TTC7B: variants seen among roughly 807,000 people sequenced by gnomAD.
TTC7B encodes tetratricopeptide repeat domain 7B, also known as tetratricopeptide repeat protein 7B.
TTC7B carries 28 observed loss-of-function variants against 106.8 expected under a neutral mutation model. That is an observed-to-expected ratio of 0.26 (90% confidence interval 0.19 to 0.36). The LOEUF (loss-of-function observed/expected upper bound fraction) is 0.36. TTC7B is among the 10% of genes least tolerant of loss of function. TTC7B has a pLI of 1.00. For missense variants in TTC7B, 862 were observed against 1,076.4 expected, an observed-to-expected ratio of 0.80 and a Z score of 2.79; for synonymous variants, 405 against 430.6, an observed-to-expected ratio of 0.94 and a Z score of 0.74.
chr14:90,539,326 C>T lies in TTC7B; in HGVS notation c.*2042G>A. The T allele has an allele frequency of 6.5e-6, 1 of 152,686 alleles. No homozygotes were observed. The highest frequency in any genetic ancestry group is 1.5e-5 in the Non-Finnish European group (1 of 68,302). 9.5% of individuals were successfully genotyped at this position (152,686 alleles called of 1,614,324 possible). A position where few individuals can be genotyped will look rare whatever the true frequency, so the allele number is the denominator to read the frequency against. ...TCTGGTACAGCGCCTGCACCATCTG[C>T]CTTGGTGGCCCAGCCTCCTCCCTTC... On this transcript the variant is annotated 3_prime_UTR_variant, in exon 20 of 20. Transcript: ENST00000328459.
intron 2 of TTC7B, among the ~76,000 whole-genome samples, chr14:90,784,330 G>A (rs1276520474): frequency 1.3e-5 from 2 of 152,214 alleles, no homozygotes; most frequent in African/African-American, 4.8e-5. Context: ...GGCTGAGGTG[G>A]GCGGATCACG....
At chr14:90,542,151 G>A (rs1240948910) in intron 19 of TTC7B, among the ~76,000 whole-genome samples, 3 of 152,198 alleles carry the variant, frequency 2.0e-5, no homozygotes, top group African/African-American at 7.2e-5. Flanking sequence ...ATGTTAGCCA[G>A]GATGGTCTCG....
chr14:90,757,259 A>G lies in TTC7B; in HGVS notation c.446-12337T>C, dbSNP rs1890333815. On this transcript the variant is annotated intron_variant, in intron 3 of 19. Transcript: ENST00000328459. This position sits in a 1 kb window ranked among gnomAD's most constrained non-coding sequence, Gnocchi z 4.1. ...TCTATAAAACTACTTGTTTCACTGC[A>G]CCCGAAGTGATCTCAATGTTTCCAA... Among the ~76,000 whole-genome samples, 1 of 152,106 alleles carries G rather than the reference A, an allele frequency of 6.6e-6. No individual in the cohort carries two copies. The highest frequency in any genetic ancestry group is 2.1e-4 in the South Asian group (1 of 4,828).
intron 5 of TTC7B, among the ~76,000 whole-genome samples, chr14:90,727,087 G>A (rs908013051): frequency 6.6e-6 from 1 of 152,154 alleles, no homozygotes; most frequent in Non-Finnish European, 1.5e-5. Context: ...GGAAGAGGAC[G>A]AGCCAGAAAG....
intron 3 of TTC7B, among the ~76,000 whole-genome samples, chr14:90,773,826 C>G (rs1432119672): frequency 2.0e-5 from 3 of 152,186 alleles, no homozygotes; most frequent in East Asian, 1.9e-4. Flanking sequence ...GCTCTTCCCC[C>G]AAAAAGCCCC....
intron 1 of TTC7B, among the ~76,000 whole-genome samples, chr14:90,811,323 T>C (rs1003568837): frequency 1.3e-5 from 2 of 151,930 alleles, no homozygotes; most frequent in African/African-American, 4.8e-5. Context: ...CTGGGAGGAG[T>C]TGGGCTCCCA....
chr14:90,755,928 T>C (rs1446085555), intron 3 of TTC7B, among the ~76,000 whole-genome samples: 2 of 152,228 alleles, frequency 1.3e-5, no homozygotes, highest in African/African-American at 4.8e-5. Context: ...CCTGGGACAA[T>C]GATAATCCTC....
chr14:90,668,785 A>C (rs1234589806), intron 9 of TTC7B, among the ~76,000 whole-genome samples: 1 of 151,580 alleles, frequency 6.6e-6, no homozygotes, highest in Admixed American at 6.6e-5. Flanking sequence ...AATGTCATCC[A>C]AAGTGATCTA....
At chr14:90,558,983 G>A (rs918831687) in intron 19 of TTC7B, among the ~76,000 whole-genome samples, 5 of 152,218 alleles carry the variant, frequency 3.3e-5, no homozygotes, top group African/African-American at 1.2e-4. Flanking sequence ...CTTGGGTGAC[G>A]GCAGAGACCC....
At position 90,610,771 on chromosome 14, in the gene TTC7B, G is replaced by T. The variant is rs1271255599; in HGVS notation, c.1937C>A (p.Thr646Asn). The T allele has an allele frequency of 1.1e-5, 17 of 1,613,808 alleles. No homozygotes were observed. The highest frequency in any genetic ancestry group is 1.4e-5 in the Non-Finnish European group (16 of 1,179,882). ...CTCGGGATCGCTGAAGTCTGGCAAAGTAATTGTATTAAGCTGTCGTCTGTC... is the reference window on the plus strand; with the variant it reads ...CTCGGGATCGCTGAAGTCTGGCAAATTAATTGTATTAAGCTGTCGTCTGTC... ...IADRRQLNTI[T>N]LPDFSDPETG... The change falls in exon 17 of 20, where the codon ACT becomes AAT. Residue 646 changes from threonine (T) to asparagine (N), a missense_variant. Coordinates refer to ENST00000328459, the MANE Select transcript of TTC7B (RefSeq NM_001010854.2).
chr14:90,692,414 T>G (rs566387398), intron 6 of TTC7B, among the ~76,000 whole-genome samples: 1 of 152,342 alleles, frequency 6.6e-6, no homozygotes, highest in African/African-American at 2.4e-5. Flanking sequence ...CTTTTCCATC[T>G]CATAAGAATA....
rs979739574 is a variant in TTC7B at position 90,526,335 on chromosome 14, T to A, written c.*15033A>T. 6.6e-6 allele frequency: 1 copy of A among 152,178 alleles called. No homozygotes were observed. The highest frequency in any genetic ancestry group is 2.4e-5 in the African/African-American group (1 of 41,450). 9.4% of individuals were successfully genotyped at this position (152,178 alleles called of 1,614,324 possible). The stretch of plus-strand genomic sequence containing the variant: ...GCCTAGACCTTACTTTAAAAAAAAA[T>A]AAACTATTAAGTTTGGGATAATTTT... On this transcript the variant is annotated 3_prime_UTR_variant, in exon 20 of 20. Coordinates refer to ENST00000328459, the MANE Select transcript of TTC7B (RefSeq NM_001010854.2).
At chr14:90,776,140 GACACACACACACACACAC>G (rs370873395) in intron 3 of TTC7B, among the ~76,000 whole-genome samples, 1 of 140,292 alleles carries the variant, frequency 7.1e-6, no homozygotes, top group Non-Finnish European at 1.5e-5. Context: ...GGCCCCCCGT[GACACACACACACACACAC>G]ACACACACAC....
chr14:90,564,589 A>T (rs1438765409), intron 19 of TTC7B, among the ~76,000 whole-genome samples: 2 of 152,174 alleles, frequency 1.3e-5, no homozygotes, highest in African/African-American at 4.8e-5. Context: ...ATCTTTTTCC[A>T]ATAGGAGGCT....
At chr14:90,627,299 T>A (rs1038024643) in intron 15 of TTC7B, among the ~76,000 whole-genome samples, 2 of 152,010 alleles carry the variant, frequency 1.3e-5, no homozygotes, top group African/African-American at 4.8e-5. Context: ...GTGAACACAT[T>A]TAATGTCTCC....
chr14:90,662,189 G>A (rs545144700), intron 9 of TTC7B, among the ~76,000 whole-genome samples: 2 of 152,370 alleles, frequency 1.3e-5, no homozygotes, highest in East Asian at 3.9e-4. Flanking sequence ...TGTGGCACAC[G>A]CGTGGCACGC....
chr14:90,788,782 G>C (rs1595374078), intron 1 of TTC7B, among the ~76,000 whole-genome samples: 2 of 25,896 alleles, frequency 7.7e-5, no homozygotes, highest in Admixed American at 2.2e-3. Flanking sequence ...GGCAAACATG[G>C]TGAAACTCTG....
intron 1 of TTC7B, among the ~76,000 whole-genome samples, chr14:90,813,619 G>A (rs1333898105): frequency 2.0e-5 from 3 of 151,340 alleles, no homozygotes; most frequent in Admixed American, 1.3e-4. Context: ...GTCAAGAAGT[G>A]GCCAAGGTCA....
intron 3 of TTC7B, among the ~76,000 whole-genome samples, chr14:90,776,361 G>A (rs1339567380): frequency 3.3e-5 from 5 of 152,264 alleles, no homozygotes; most frequent in East Asian, 1.9e-4. Flanking sequence ...TCAAGCATGC[G>A]CACTAAGGGG....
Sources: allele counts gnomAD v4.1 joint callset (sites outside exome capture counted in the v4.1 genomes callset), GRCh38; gene constraint gnomAD v4.1.1; non-coding constraint Gnocchi (gnomAD v3.1); transcripts MANE v1.5; gene names NCBI Gene and HGNC (gene_info 2026-07-23, HGNC 2026-07-21).